Variants in STARD13 observed in about 807,000 individuals in gnomAD.
STARD13 encodes the protein StAR related lipid transfer domain containing 13.
A neutral mutation model predicts 106.4 loss-of-function variants in STARD13; 62 were observed. That is an observed-to-expected ratio of 0.58 (90% CI 0.48 to 0.72). STARD13 has a LOEUF of 0.72. Ranked by LOEUF, STARD13 falls within the 30% of genes least tolerant of loss-of-function variation. The pLI is 0.00. For missense variants in STARD13, 1,387 were observed against 1,424.0 expected (o/e 0.97, Z 0.42); for synonymous variants, 565 against 553.0 (o/e 1.02, Z -0.31).
the STARD13 span, among the ~76,000 whole-genome samples, chr13:33,629,398 T>C: frequency 6.6e-6 from 1 of 152,238 alleles, no homozygotes; most frequent in Non-Finnish European, 1.5e-5. Context: ...ATGTGTTGTC[T>C]TGTTTAGAAG....
rs145400500 is a variant in STARD13, at chr13:33,105,727, C to T, written c.3225-17G>A. On this transcript the variant is annotated splice_polypyrimidine_tract_variant and intron_variant, in intron 13 of 13. Transcript: ENST00000336934. ...GAGTGACCTCTGTGGGGAAAGAAAT[C>T]AGAAAGGAAGTGGGAAAGTTTGTTT... is the stretch of plus-strand genomic sequence containing the variant. 4.2e-4 allele frequency: 665 copies of T among 1,595,462 alleles called. 14 individuals are homozygous for T. In the East Asian group the frequency reaches 0.015, roughly 35 times the overall value.
chr13:33,498,634 T>A, the STARD13 span, among the ~76,000 whole-genome samples: 1 of 152,174 alleles, frequency 6.6e-6, no homozygotes, highest in Non-Finnish European at 1.5e-5. Context: ...CTTTGCAAGA[T>A]AAGATACAAA....
the STARD13 span, among the ~76,000 whole-genome samples, chr13:33,405,549 T>A: frequency 6.6e-6 from 1 of 152,254 alleles, no homozygotes; most frequent in Non-Finnish European, 1.5e-5. Flanking sequence ...GGAACTTATC[T>A]AAATATGGTC....
chr13:33,131,578 A>G (rs1878302308), intron 4 of STARD13, among the ~76,000 whole-genome samples: 1 of 152,206 alleles, frequency 6.6e-6, no homozygotes, highest in African/African-American at 2.4e-5. Flanking sequence ...GTGAGACACT[A>G]TCTCAAAAAA....
the STARD13 span, among the ~76,000 whole-genome samples, chr13:33,463,578 C>T: frequency 9.5e-3 from 1,453 of 152,252 alleles, 7 homozygotes; most frequent in Non-Finnish European, 0.016. Flanking sequence ...CCTCCTACCT[C>T]AGAAGTGCCA....
chr13:33,163,694 T>TAAC (rs2138353136), intron 3 of STARD13, among the ~76,000 whole-genome samples: 2 of 116,852 alleles, frequency 1.7e-5, no homozygotes, highest in South Asian at 4.6e-4. Context: ...CATATATATA[T>TAAC]ATAACATATA....
At chr13:33,625,897 T>C in the STARD13 span, among the ~76,000 whole-genome samples, 1 of 152,142 alleles carries the variant, frequency 6.6e-6, no homozygotes, top group Non-Finnish European at 1.5e-5. Context: ...AGATGGGGTT[T>C]CACCATGTTG....
chr13:33,203,852 G>A (rs527550546), intron 1 of STARD13, among the ~76,000 whole-genome samples: 1 of 152,134 alleles, frequency 6.6e-6, no homozygotes, highest in Non-Finnish European at 1.5e-5. Flanking sequence ...AGAGAGTGGA[G>A]GCAATTTCAT....
At chr13:33,453,339 T>C in the STARD13 span, among the ~76,000 whole-genome samples, 3 of 152,198 alleles carry the variant, frequency 2.0e-5, no homozygotes, top group Non-Finnish European at 4.4e-5. Flanking sequence ...GGTCACCAAG[T>C]TCTGGACACA....
At chr13:33,421,714 G>A in the STARD13 span, among the ~76,000 whole-genome samples, 8 of 152,204 alleles carry the variant, frequency 5.3e-5, no homozygotes, top group Non-Finnish European at 7.4e-5. Context: ...CCAGCAAACC[G>A]AATCCAGCAA....
intron 1 of STARD13, among the ~76,000 whole-genome samples, chr13:33,250,287 T>C (rs1890034180): frequency 6.6e-6 from 1 of 152,228 alleles, no homozygotes; most frequent in Non-Finnish European, 1.5e-5. Context: ...TCCTAGTTCA[T>C]ATCTACCAAG....
the STARD13 span, among the ~76,000 whole-genome samples, chr13:33,406,225 T>C: frequency 6.6e-6 from 1 of 152,266 alleles, no homozygotes; most frequent in African/African-American, 2.4e-5. Context: ...TAAGCTGTGA[T>C]TTAATACATA....
At chr13:33,620,563 A>G in the STARD13 span, among the ~76,000 whole-genome samples, 25,402 of 151,932 alleles carry the variant, frequency 0.17, 4,456 homozygotes, top group African/African-American at 0.44. Flanking sequence ...GATTACAGGC[A>G]TGGGCCACCA....
At chr13:33,472,230 T>C in the STARD13 span, among the ~76,000 whole-genome samples, 4 of 152,128 alleles carry the variant, frequency 2.6e-5, no homozygotes, top group African/African-American at 9.6e-5. Flanking sequence ...TATATATTTC[T>C]GGGGTACATG....
intron 3 of STARD13, among the ~76,000 whole-genome samples, chr13:33,163,345 G>C (rs943458456): frequency 5.9e-5 from 9 of 151,814 alleles, no homozygotes; most frequent in African/African-American, 2.2e-4. Flanking sequence ...CCAGCACTTT[G>C]GGAGGCTGAG....
intron 1 of STARD13, chr13:33,271,420 G>GA (rs1891152990): frequency 6.6e-6 from 1 of 152,270 alleles, no homozygotes; most frequent in Non-Finnish European, 1.5e-5. Context: ...TGGGCCCCAG[G>GA]TGCCCCGGGA....
At chr13:33,675,091 G>C in the STARD13 span, among the ~76,000 whole-genome samples, 1 of 152,104 alleles carries the variant, frequency 6.6e-6, no homozygotes, top group Non-Finnish European at 1.5e-5. Context: ...TCACCTTTCG[G>C]CTAGAGCCAT....
chr13:33,209,298 T>G (rs1353646765), intron 1 of STARD13, among the ~76,000 whole-genome samples: 1 of 152,178 alleles, frequency 6.6e-6, no homozygotes, highest in African/African-American at 2.4e-5. Flanking sequence ...CCTTGATCAA[T>G]TTCATAATCA....
At chr13:33,191,281 T>A (rs1205908518) in intron 1 of STARD13, among the ~76,000 whole-genome samples, 2 of 152,212 alleles carry the variant, frequency 1.3e-5, no homozygotes, top group Non-Finnish European at 2.9e-5. Flanking sequence ...ACAGACCCCA[T>A]CTATTATTGT....
Sources: allele counts gnomAD v4.1 joint callset (sites outside exome capture counted in the v4.1 genomes callset), GRCh38; gene constraint gnomAD v4.1.1; transcripts MANE v1.5; gene names NCBI Gene and HGNC (gene_info 2026-07-23, HGNC 2026-07-21).